IGFL4: variants seen among roughly 807,000 people sequenced by gnomAD.
The protein encoded by IGFL4 is insulin growth factor-like family member 4.
Under a neutral mutation model 15.4 loss-of-function variants are expected in IGFL4, and 12 were observed. The observed-to-expected ratio is 0.78, with a 90% CI of 0.50 to 1.26. The LOEUF (loss-of-function observed/expected upper bound fraction) is 1.26, where lower values mean the gene tolerates loss of function less well. IGFL4 is among the 50% of genes most tolerant of loss of function. IGFL4 has a pLI of 0.00. For synonymous variants in IGFL4, 54 were observed against 55.9 expected (o/e 0.97, Z 0.16); for missense variants, 126 against 147.8 (o/e 0.85, Z 0.76).
At chr19:46,077,406 C>T (rs1039266987), upstream of IGFL4, among the ~76,000 whole-genome samples, 20 of 152,174 alleles carry the variant, frequency 1.3e-4, no homozygotes, top group Non-Finnish European at 2.6e-4. This position sits in a 1 kb window ranked among gnomAD's most constrained non-coding sequence, Gnocchi z 5.4. Flanking sequence ...GCTCCATTTT[C>T]ACCACAGGGA....
chr19:46,059,910 G>C (rs1969428604), intron 2 of IGFL4: 1 of 152,150 alleles, frequency 6.6e-6, no homozygotes. Flanking sequence ...AAGATAACCT[G>C]GGGCTCCTGG....
chr19:46,052,131 T>A (rs550699784), intron 2 of IGFL4, among the ~76,000 whole-genome samples: 1 of 152,240 alleles, frequency 6.6e-6, no homozygotes, highest in Non-Finnish European at 1.5e-5. Context: ...CTAGAACAAA[T>A]GGACTTAACA....
At chr19:46,052,104 T>C (rs545619730) in intron 2 of IGFL4, among the ~76,000 whole-genome samples, 6 of 152,142 alleles carry the variant, frequency 3.9e-5, no homozygotes, top group Non-Finnish European at 7.4e-5. Flanking sequence ...AAAGAAACAA[T>C]GGACTTAAGC....
At chr19:46,051,596 C>T (rs1473285315) in intron 2 of IGFL4, among the ~76,000 whole-genome samples, 2 of 152,000 alleles carry the variant, frequency 1.3e-5, no homozygotes, top group Non-Finnish European at 2.9e-5. Context: ...ACATGATGAA[C>T]ATGTAGTATT....
chr19:46,062,612 T>C (rs1417843270), intron 1 of IGFL4: 2 of 152,046 alleles, frequency 1.3e-5, no homozygotes, highest in African/African-American at 4.8e-5. Flanking sequence ...CAACATGTGG[T>C]CTCTGGGCAA....
chr19:46,068,164 T>A (rs956891012), intron 1 of IGFL4, among the ~76,000 whole-genome samples: 12 of 152,204 alleles, frequency 7.9e-5, no homozygotes, highest in African/African-American at 2.2e-4. Flanking sequence ...TTGTCACAGA[T>A]GCTCTTCAAC....
At position 46,039,210 on chromosome 19, in the gene IGFL4, G is replaced by A. The variant is rs1434962773; in HGVS notation, c.*682C>T. Among the ~76,000 whole-genome samples the A allele has an allele frequency of 9.6e-6, 1 of 104,312 alleles. No individual in the cohort carries two copies. The highest frequency in any genetic ancestry group is 1.9e-5 in the Non-Finnish European group (1 of 52,166). 68.4% of individuals were successfully genotyped at this position (104,312 alleles called of 152,430 possible). ...AAAGATCAGATAGTTGTAGATATGC[G>A]GCGTTATTTCTGAGGGCTCTGTTCT... On this transcript the variant is annotated 3_prime_UTR_variant, in exon 4 of 4. Transcript: ENST00000377697.
intron 1 of IGFL4, among the ~76,000 whole-genome samples, chr19:46,064,878 A>T (rs1326591371): frequency 6.6e-6 from 1 of 152,204 alleles, no homozygotes; most frequent in African/African-American, 2.4e-5. Context: ...CGTTTTCCAC[A>T]GAGGTTGCAT....
intron 1 of IGFL4, among the ~76,000 whole-genome samples, chr19:46,076,477 G>A (rs1007234983): frequency 6.6e-6 from 1 of 151,862 alleles, no homozygotes; most frequent in African/African-American, 2.4e-5. Flanking sequence ...CAGATTCATC[G>A]TGTATATTTT....
chr19:46,056,964 G>C (rs962497814), intron 2 of IGFL4, among the ~76,000 whole-genome samples: 9 of 152,084 alleles, frequency 5.9e-5, no homozygotes, highest in African/African-American at 1.9e-4. Context: ...TTTGTCTTAG[G>C]CTTCAGAGTC....
At position 46,040,966 on chromosome 19, in the gene IGFL4, TTAGGCTTCAGA is replaced by T; in HGVS notation, c.-15_-5del. On this transcript the variant is annotated 5_prime_UTR_variant, in exon 1 of 4. Transcript: ENST00000377697. The surrounding 1 kb of genome is among the most constrained non-coding windows in gnomAD (Gnocchi z 4.1). ...TACCAGAAATTCTGGGCACCATGGGTTAGGCTTCAGAGCAGCGGACGAGGGAGCAGCAGTGG... is the reference window on the plus strand; with the variant it reads ...TACCAGAAATTCTGGGCACCATGGGTGCAGCGGACGAGGGAGCAGCAGTGG... 6.3e-7 allele frequency: 1 copy of T among 1,589,740 alleles called. No individual in the cohort carries two copies.
At chr19:46,049,306 T>C (rs1969324475) in intron 2 of IGFL4, among the ~76,000 whole-genome samples, 1 of 152,236 alleles carries the variant, frequency 6.6e-6, no homozygotes. Context: ...CTGCAGATTA[T>C]GTGGGACAAT....
chr19:46,051,846 A>G (rs1249911297), intron 2 of IGFL4, among the ~76,000 whole-genome samples: 6 of 152,210 alleles, frequency 3.9e-5, no homozygotes, highest in African/African-American at 1.4e-4. Flanking sequence ...TTCTTATATT[A>G]GACAAAACAA....
chr19:46,041,445 CAG>C (rs1228367910), upstream of IGFL4, among the ~76,000 whole-genome samples: 2 of 152,210 alleles, frequency 1.3e-5, no homozygotes, highest in Non-Finnish European at 1.5e-5. Context: ...TATAATTTTT[CAG>C]AGTCACGTAG....
chr19:46,069,306 C>T (rs1969523806), intron 1 of IGFL4, among the ~76,000 whole-genome samples: 1 of 152,196 alleles, frequency 6.6e-6, no homozygotes, highest in Admixed American at 6.5e-5. Flanking sequence ...GTATTCTTCT[C>T]TCTCATCTGA....
At chr19:46,055,268 T>C (rs1267065186) in intron 2 of IGFL4, among the ~76,000 whole-genome samples, 3 of 152,124 alleles carry the variant, frequency 2.0e-5, no homozygotes, top group African/African-American at 4.8e-5. Flanking sequence ...TTCTTTTCTG[T>C]TCTTTTCCAG....
intron 1 of IGFL4, among the ~76,000 whole-genome samples, chr19:46,073,551 A>G (rs1231095885): frequency 6.6e-6 from 1 of 152,184 alleles, no homozygotes; most frequent in East Asian, 1.9e-4. Context: ...GCGGTCCCGT[A>G]ACCAAAGGGA....
upstream of IGFL4, among the ~76,000 whole-genome samples, chr19:46,041,825 C>T (rs889985742): frequency 6.8e-6 from 1 of 146,708 alleles, no homozygotes; most frequent in Non-Finnish European, 1.5e-5. Context: ...CTTCCTCCTC[C>T]CTCCTCTCTC....
rs1281525573 is a variant in IGFL4, at chr19:46,040,603, G to A, written c.20-35C>T. ...AGAAGGAGAGCGAGAATGATTCTGA[G>A]GTCACTAGGTCTTGACCACGGGGCA... On this transcript the variant is annotated intron_variant, in intron 1 of 3. Transcript: ENST00000377697. This position sits in a 1 kb window ranked among gnomAD's most constrained non-coding sequence, Gnocchi z 4.1. The A allele has an allele frequency of 1.2e-6, 2 of 1,611,164 alleles. No homozygotes were observed. Among genetic ancestry groups the A allele is most frequent in the Admixed American group, 1.7e-5 (1 of 59,994 alleles).
Sources: gnomAD v4.1 joint callset for allele counts (sites outside exome capture counted in the v4.1 genomes callset) on GRCh38, gnomAD v4.1.1 for gene constraint, Gnocchi (gnomAD v3.1) non-coding constraint, MANE v1.5 for transcripts, NCBI Gene and HGNC (gene_info 2026-07-23, HGNC 2026-07-21) for gene names.